ETV1: variants seen among roughly 807,000 people sequenced by gnomAD.
ETV1 encodes the protein ETS variant transcription factor 1, also known as ETS translocation variant 1.
A neutral mutation model predicts 62.3 loss-of-function variants in ETV1; 27 were observed. The ratio of observed to expected loss-of-function variants is 0.43; its 90% CI spans 0.32 to 0.60. ETV1 has a LOEUF of 0.60. Among genes scored for constraint, ETV1 ranks in the 20% least tolerant of loss-of-function variants. The probability of loss-of-function intolerance (pLI) is 0.06; values close to 1 mark genes in which losing one functional copy is unlikely to be tolerated. For missense variants in ETV1, 605 were observed against 605.8 expected (o/e 1.00, Z 0.01); for synonymous variants, 222 against 199.6 (o/e 1.11, Z -0.94).
intron 12 of ETV1, among the ~76,000 whole-genome samples, chr7:13,902,438 C>G (rs1321183833): frequency 6.6e-6 from 1 of 151,244 alleles, no homozygotes; most frequent in African/African-American, 2.4e-5. Context: ...CAGACAATCA[C>G]AGTGGCAGGA....
intron 12 of ETV1, among the ~76,000 whole-genome samples, chr7:13,905,976 G>A (rs962632264): frequency 4.6e-5 from 7 of 152,082 alleles, no homozygotes; most frequent in African/African-American, 1.7e-4. Flanking sequence ...GCCTCTAAAT[G>A]CTCCTCTCCA....
chr7:13,970,289 C>A lies in ETV1; in HGVS notation c.235+7138G>T, dbSNP rs1482014172. ...ACACACACACACACACACACACACA[C>A]ACACACACACACACACACACACACA... On this transcript the variant is annotated intron_variant, in intron 6 of 13. Transcript: ENST00000430479. 9.4e-4 allele frequency among the ~76,000 whole-genome samples: 130 copies of A among 138,348 alleles called. 2 individuals are homozygous for A. The highest frequency in any genetic ancestry group is 3.3e-3 in the African/African-American group (125 of 37,384). The allele number at this position is 138,348 out of a possible 152,430, so 90.8% of individuals were successfully genotyped here.
chr7:13,961,278 A>T (rs536828705), intron 6 of ETV1, among the ~76,000 whole-genome samples: 1 of 152,244 alleles, frequency 6.6e-6, no homozygotes, highest in Non-Finnish European at 1.5e-5. Context: ...TAATTGATTG[A>T]TTGGAAAAGT....
At chr7:13,948,646 T>C (rs905185062) in intron 6 of ETV1, among the ~76,000 whole-genome samples, 1 of 152,182 alleles carries the variant, frequency 6.6e-6, no homozygotes, top group Non-Finnish European at 1.5e-5. Context: ...TGAGCTACAA[T>C]GGCCAAATGG....
At chr7:13,957,874 C>G (rs568411406) in intron 6 of ETV1, among the ~76,000 whole-genome samples, 2 of 152,316 alleles carry the variant, frequency 1.3e-5, no homozygotes, top group South Asian at 4.1e-4. Context: ...TTTGGAGAAA[C>G]ACATGGATAC....
chr7:13,932,741 T>TA (rs1786337165), intron 8 of ETV1, among the ~76,000 whole-genome samples: 1 of 152,160 alleles, frequency 6.6e-6, no homozygotes, highest in Admixed American at 6.5e-5. Context: ...CAGGAGTGCT[T>TA]AAAAATAACC....
At chr7:13,988,565 A>C (rs1286549874) in intron 3 of ETV1, 276 of 73,840 alleles carry the variant, frequency 3.7e-3, no homozygotes, top group East Asian at 0.017. Context: ...CCACCCCCAC[A>C]AAAAAAAAAA....
intron 13 of ETV1, 25 bp downstream of exon 13, chr7:13,900,713 T>C (rs777316660): frequency 6.8e-7 from 1 of 1,466,200 alleles, no homozygotes; most frequent in Non-Finnish European, 9.4e-7. Flanking sequence ...TTTCAATGAA[T>C]TTTAATGCTG....
At chr7:13,912,725 C>T (rs1783684743) in intron 9 of ETV1, among the ~76,000 whole-genome samples, 1 of 152,108 alleles carries the variant, frequency 6.6e-6, no homozygotes, top group African/African-American at 2.4e-5. Context: ...TTGTTTAAAT[C>T]TGGTCTATAC....
chr7:13,986,706 A>G (rs547008631), intron 4 of ETV1, 21 bp from the exon 5 acceptor site: 2 of 1,579,416 alleles, frequency 1.3e-6, no homozygotes, highest in African/African-American at 1.4e-5. Flanking sequence ...AGTCAAAGAC[A>G]TAAACATAAG....
chr7:13,910,634 A>G (rs1415005770), intron 10 of ETV1: 1 of 163,436 alleles, frequency 6.1e-6, no homozygotes, highest in Non-Finnish European at 1.3e-5. Context: ...GGAACCATGC[A>G]CATATTTCAG....
chr7:13,901,910 G>A (rs893538887), intron 12 of ETV1, among the ~76,000 whole-genome samples: 2 of 152,106 alleles, frequency 1.3e-5, no homozygotes. Context: ...GAGGAGCAAT[G>A]TATCTAAGAG....
rs2128395865 is a variant in ETV1 at position 13,893,225 on chromosome 7, A to G, written c.*2641T>C. 1 of 232,510 alleles carries G rather than the reference A, an allele frequency of 4.3e-6. No individual in the cohort carries two copies. Among genetic ancestry groups the G allele is most frequent in the Middle Eastern group, 1.3e-3 (1 of 780 alleles). The allele number at this position is 232,510 out of a possible 1,614,324, so 14.4% of individuals were successfully genotyped here. ...ATTACATCATTAACAAATGATTTCT[A>G]TGTTTGAGTAGCCAATTCAATGAGA... is the stretch of plus-strand genomic sequence containing the variant. On this transcript the variant is annotated 3_prime_UTR_variant, in exon 14 of 14. Coordinates refer to ENST00000430479, the MANE Select transcript of ETV1 (RefSeq NM_004956.5).
At chr7:13,977,042 C>G (rs1363156860) in intron 6 of ETV1, among the ~76,000 whole-genome samples, 1 of 152,198 alleles carries the variant, frequency 6.6e-6, no homozygotes, top group Non-Finnish European at 1.5e-5. Context: ...GTTTTTAACT[C>G]TACCTCCCAT....
chr7:13,917,391 C>A (rs1784302297), intron 9 of ETV1, among the ~76,000 whole-genome samples: 1 of 151,746 alleles, frequency 6.6e-6, no homozygotes, highest in Non-Finnish European at 1.5e-5. Flanking sequence ...GATCTCAGCT[C>A]ACTGCAACCT....
At chr7:13,970,434 T>C (rs1780785024) in intron 6 of ETV1, among the ~76,000 whole-genome samples, 1 of 152,056 alleles carries the variant, frequency 6.6e-6, no homozygotes, top group Non-Finnish European at 1.5e-5. Flanking sequence ...ATGCAACTAG[T>C]CATGCTTGAA....
intron 9 of ETV1, among the ~76,000 whole-genome samples, chr7:13,928,220 C>T (rs1050713846): frequency 1.3e-5 from 2 of 152,284 alleles, no homozygotes; most frequent in East Asian, 3.9e-4. Context: ...AGGTTCACAT[C>T]TTCTTAAGAA....
chr7:13,909,846 C>T lies in ETV1; in HGVS notation c.872-146G>A, dbSNP rs547194927. On this transcript the variant is annotated intron_variant, in intron 10 of 13. Coordinates refer to ENST00000430479, the MANE Select transcript of ETV1 (RefSeq NM_004956.5). Reference sequence around the variant, plus strand: ...CTTGAGCCCTGGACACATTATTTAACCTCTGTGCCTCAGTTTCCTCATCTA... The same window carrying T: ...CTTGAGCCCTGGACACATTATTTAATCTCTGTGCCTCAGTTTCCTCATCTA... 4.5e-6 allele frequency: 3 copies of T among 663,418 alleles called. No homozygotes were observed. The South Asian group carries it at 5.6e-5, about 12-fold the overall frequency. 41.1% of individuals were successfully genotyped at this position (663,418 alleles called of 1,614,324 possible).
intron 6 of ETV1, among the ~76,000 whole-genome samples, chr7:13,974,036 A>G (rs1020213352): frequency 5.3e-5 from 8 of 152,194 alleles, no homozygotes; most frequent in African/African-American, 1.9e-4. Flanking sequence ...CAAGAAGTTC[A>G]CAATCTTGTC....
Sources: gnomAD v4.1 joint callset for allele counts (sites outside exome capture counted in the v4.1 genomes callset) on GRCh38, gnomAD v4.1.1 for gene constraint, MANE v1.5 for transcripts, NCBI Gene and HGNC (gene_info 2026-07-23, HGNC 2026-07-21) for gene names.